BAMBI: variants seen among roughly 807,000 people sequenced by gnomAD.
BAMBI encodes the protein BMP and activin membrane bound inhibitor, also known as BMP and activin membrane-bound inhibitor homolog.
Under a neutral mutation model 24.1 loss-of-function variants are expected in BAMBI, and 21 were observed. The ratio of observed to expected loss-of-function variants is 0.87; its 90% confidence interval spans 0.62 to 1.26. BAMBI has a LOEUF of 1.26. Among genes scored for constraint, BAMBI ranks in the 50% most tolerant of loss-of-function variants. The pLI, the probability that BAMBI is intolerant of heterozygous loss-of-function variation, is 0.00. For missense variants in BAMBI, 388 were observed against 329.1 expected (o/e 1.18, Z -1.38); for synonymous variants, 156 against 123.1 (o/e 1.27, Z -1.77).
At chr10:28,678,098 A>G (rs1030753907) in intron 1 of BAMBI, 125 bp downstream of exon 1, 113 of 832,912 alleles carry the variant, frequency 1.4e-4, no homozygotes, top group Non-Finnish European at 5.6e-5. Context: ...GGTCGCGACA[A>G]GTTGCTGTGT....
At position 28,682,491 on chromosome 10, in the gene BAMBI, T is replaced by C. The variant is rs1461898806; in HGVS notation, c.*90T>C. 8 of 1,215,710 alleles carry C rather than the reference T, an allele frequency of 6.6e-6. No individual in the cohort carries two copies. The highest frequency in any genetic ancestry group is 1.5e-5 in the African/African-American group (1 of 65,806). 75.3% of individuals were successfully genotyped at this position (1,215,710 alleles called of 1,614,324 possible). On this transcript the variant is annotated 3_prime_UTR_variant, in exon 3 of 3. Coordinates refer to ENST00000375533, the MANE Select transcript of BAMBI (RefSeq NM_012342.3). ...AGCACTTTATCTGAAGACAAACTCA[T>C]TTAATCATCTTTGAGAGACAAAATG...
rs1206988662 is a variant in BAMBI, at chr10:28,682,163, G to A, written c.545G>A (p.Arg182Lys). 1.9e-6 allele frequency: 3 copies of A among 1,614,126 alleles called. No homozygotes were observed. The part of the protein sequence containing the change: ...ALRMLRSENK[R>K]LQDQRQQMLS... ...AGGATGCTTCGAAGTGAAAATAAGA[G>A]GCTGCAGGATCAGCGGCAACAGATG... Residue 182 changes from arginine (R) to lysine (K), a missense_variant, in exon 3 of 3, where the codon AGG becomes AAG. By Grantham distance (26) the Arg-to-Lys change is conservative (BLOSUM62 2). Transcript: ENST00000375533.
chr10:28,677,678 C>T lies in BAMBI; in HGVS notation c.-220C>T. 1 of 269,760 alleles carries T rather than the reference C, an allele frequency of 3.7e-6. No homozygotes were observed. Among genetic ancestry groups the T allele is most frequent in the Non-Finnish European group, 6.9e-6 (1 of 145,036 alleles). The allele number at this position is 269,760 out of a possible 1,614,324, so 16.7% of individuals were successfully genotyped here. On this transcript the variant is annotated 5_prime_UTR_variant, in exon 1 of 3. Transcript: ENST00000375533. ...CTAGAGTCGAGCGGGGCAAGGGAGC[C>T]AGTGGCCGCCGACGGGGGACCGGGA...
intron 1 of BAMBI, among the ~76,000 whole-genome samples, chr10:28,678,895 G>A (rs892256393): frequency 6.6e-6 from 1 of 151,050 alleles, no homozygotes; most frequent in Non-Finnish European, 1.5e-5. Flanking sequence ...GAAATAACCC[G>A]AACTGTCTCC....
At chr10:28,681,718 A>G (rs1024785452) in intron 2 of BAMBI, 173 bp downstream of exon 2, 1 of 791,118 alleles carries the variant, frequency 1.3e-6, no homozygotes, top group Non-Finnish European at 2.0e-6. Context: ...ATGTCTGAGC[A>G]TTAGATGTCT....
chr10:28,681,932 C>T (rs1834501969), intron 2 of BAMBI, 51 bp from the exon 3 acceptor site: 11 of 1,478,622 alleles, frequency 7.4e-6, no homozygotes, highest in African/African-American at 1.4e-5. Context: ...TTATGAATAT[C>T]CCTAGGAGGA....
intron 1 of BAMBI, among the ~76,000 whole-genome samples, chr10:28,680,695 C>T (rs1403530716): frequency 6.6e-6 from 1 of 152,150 alleles, no homozygotes; most frequent in African/African-American, 2.4e-5. Context: ...AAAAAGTTTG[C>T]CTTTTCTAGA....
In BAMBI at chr10:28,681,431, CAG is replaced by C; in HGVS notation, c.251_252del (p.Gln84ArgfsTer17). 1.2e-6 allele frequency: 2 copies of C among 1,614,204 alleles called. No homozygotes were observed. The highest frequency in any genetic ancestry group is 1.7e-6 in the Non-Finnish European group (2 of 1,180,036). ...CACGACAGACATCTGCCAAGCCAAACAGGCCCGAAACCACTCTGGCACCACCA... is the reference window on the plus strand; with the variant it reads ...CACGACAGACATCTGCCAAGCCAAACGCCCGAAACCACTCTGGCACCACCA... ...ASTTDICQAK[Q>X]ARNHSGTTIP... On this transcript the variant is annotated frameshift_variant, in exon 2 of 3. Coordinates refer to ENST00000375533, the MANE Select transcript of BAMBI (RefSeq NM_012342.3). LOFTEE classifies it high-confidence loss of function.
intron 1 of BAMBI, among the ~76,000 whole-genome samples, chr10:28,678,667 ATCTC>A (rs1022298541): frequency 6.6e-5 from 10 of 151,642 alleles, no homozygotes; most frequent in Non-Finnish European, 1.3e-4. Context: ...CTCTGCGTAC[ATCTC>A]TCTGTGTGCG....
At chr10:28,679,295 A>G (rs1834471988) in intron 1 of BAMBI, among the ~76,000 whole-genome samples, 2 of 152,188 alleles carry the variant, frequency 1.3e-5, no homozygotes, top group African/African-American at 4.8e-5. Context: ...AAGCTTTAAA[A>G]GAAGCCAGCA....
intron 1 of BAMBI, among the ~76,000 whole-genome samples, chr10:28,678,513 GTC>G (rs1834463072): frequency 1.3e-5 from 2 of 152,298 alleles, no homozygotes; most frequent in Admixed American, 1.3e-4. Context: ...GCATTTCTGT[GTC>G]TCTTTCTGAG....
chr10:28,681,617 T>C (rs887661173), intron 2 of BAMBI, 72 bp downstream of exon 2: 7 of 1,489,330 alleles, frequency 4.7e-6, no homozygotes, highest in Non-Finnish European at 5.5e-6. Context: ...ACTTTGTATG[T>C]CTGCTATTGA....
rs1198499647 is a variant in BAMBI at position 28,677,903 on chromosome 10, T to A, written c.6T>A (p.Asp2Glu). 2 of 1,515,758 alleles carry A rather than the reference T, an allele frequency of 1.3e-6. No homozygotes were observed. Among genetic ancestry groups the A allele is most frequent in the Admixed American group, 4.0e-5 (2 of 49,582 alleles). The allele number at this position is 1,515,758 out of a possible 1,614,324, so 93.9% of individuals were successfully genotyped here. A position where few individuals can be genotyped will look rare whatever the true frequency, so the allele number is the denominator to read the frequency against. Residue 2 changes from aspartate to glutamate, a missense_variant, in exon 1 of 3, where the codon GAT (aspartate) becomes GAA (glutamate). Coordinates refer to ENST00000375533, the MANE Select transcript of BAMBI (RefSeq NM_012342.3). MDRHSSYIFIWL... is the reference protein window; with the variant it reads MERHSSYIFIWL... ...CGCGGCCGTGCGGGGCGTCAATGGA[T>A]CGCCACTCCAGCTACATCTTCATCT...
At chr10:28,678,078 C>T in intron 1 of BAMBI, 105 bp downstream of exon 1, 4 of 1,054,572 alleles carry the variant, frequency 3.8e-6, no homozygotes, top group East Asian at 3.1e-5. Flanking sequence ...CCTCCTGCGC[C>T]GGAGCCGCAG....
Position 28,677,906 on chromosome 10 carries a change from C to T in BAMBI, c.9C>T (p.Arg3=). Residue 3 remains arginine, a synonymous_variant, in exon 1 of 3, where the codon CGC becomes CGT. Transcript: ENST00000375533. Reference sequence around the variant, plus strand: ...GGCCGTGCGGGGCGTCAATGGATCGCCACTCCAGCTACATCTTCATCTGGC... The same window carrying T: ...GGCCGTGCGGGGCGTCAATGGATCGTCACTCCAGCTACATCTTCATCTGGC... MD[R]HSSYIFIWLQ... 6.6e-7 allele frequency: 1 copy of T among 1,517,916 alleles called. No homozygotes were observed. The highest frequency in any genetic ancestry group is 2.0e-5 in the Admixed American group (1 of 49,836). The allele number at this position is 1,517,916 out of a possible 1,614,324, so 94.0% of individuals were successfully genotyped here.
Position 28,682,230 on chromosome 10 carries a change from A to G in BAMBI, c.612A>G (p.Lys204=). 1 of 1,614,150 alleles carries G rather than the reference A, an allele frequency of 6.2e-7. No homozygotes were observed. Among genetic ancestry groups the G allele is most frequent in the Non-Finnish European group, 8.5e-7 (1 of 1,180,032 alleles). Residue 204 remains lysine, a synonymous_variant, in exon 3 of 3, where the codon AAA becomes AAG. Transcript: ENST00000375533. ...ACAGCTTTCACGGACACCATTCCAA[A>G]AAGGGGCAGGTTGCAAAGTTAGACT... ...LHYSFHGHHS[K]KGQVAKLDLE... is the part of the protein sequence containing the mutation.
In BAMBI at chr10:28,681,334, C is replaced by T. The variant is rs1359916415; in HGVS notation, c.153C>T (p.Cys51=). 3 of 1,614,182 alleles carry T rather than the reference C, an allele frequency of 1.9e-6. No homozygotes were observed. The highest frequency in any genetic ancestry group is 2.2e-5 in the South Asian group (2 of 91,090). The change falls in exon 2 of 3, where the codon TGC becomes TGT. Residue 51 remains cysteine, a synonymous_variant. Coordinates refer to ENST00000375533, the MANE Select transcript of BAMBI (RefSeq NM_012342.3). ...GYMCKSELSA[C]FSRLLDPQNS... ...TGTGTAAATCTGAGCTCAGCGCCTG[C>T]TTCTCTAGACTTCTTGATCCTCAGA...
At position 28,682,258 on chromosome 10, in the gene BAMBI, G is replaced by A. The variant is rs1469378595; in HGVS notation, c.640G>A (p.Glu214Lys). Residue 214 changes from glutamate (E) to lysine (K), a missense_variant, in exon 3 of 3, where the codon GAA becomes AAA. By Grantham distance (56) the Glu-to-Lys change is moderately conservative. Coordinates refer to ENST00000375533, the MANE Select transcript of BAMBI (RefSeq NM_012342.3). ...KKGQVAKLDL[E>K]CMVPVSGHEN... ...GGGGCAGGTTGCAAAGTTAGACTTG[G>A]AATGCATGGTGCCGGTCAGTGGGCA... is the stretch of plus-strand genomic sequence containing the variant. 2.5e-6 allele frequency: 4 copies of A among 1,614,180 alleles called. No homozygotes were observed. In the Admixed American group the frequency reaches 5.0e-5, roughly 20 times the overall value.
Position 28,682,578 on chromosome 10 carries a change from A to T in BAMBI, c.*177A>T, listed in dbSNP as rs1834511782. 3.5e-6 allele frequency: 2 copies of T among 567,686 alleles called. No homozygotes were observed. The highest frequency in any genetic ancestry group is 3.7e-5 in the Admixed American group (1 of 27,064). The allele number at this position is 567,686 out of a possible 1,614,324, so 35.2% of individuals were successfully genotyped here. A position where few individuals can be genotyped will look rare whatever the true frequency, so the allele number is the denominator to read the frequency against. On this transcript the variant is annotated 3_prime_UTR_variant, in exon 3 of 3. Coordinates refer to ENST00000375533, the MANE Select transcript of BAMBI (RefSeq NM_012342.3). ...GGATTATTTGCACAGACTTAAATAC[A>T]GTTAAATGTGTTATTTGCTTTTAAA...
Sources: allele counts gnomAD v4.1 joint callset (sites outside exome capture counted in the v4.1 genomes callset), GRCh38; gene constraint gnomAD v4.1.1; transcripts MANE v1.5; gene names NCBI Gene and HGNC (gene_info 2026-07-23, HGNC 2026-07-21).